SLC36A2: variants seen among roughly 807,000 people sequenced by gnomAD.
SLC36A2 encodes the protein proton-coupled amino acid transporter 2.
In SLC36A2, 39 loss-of-function variants were observed where a neutral mutation model predicts 42.7. The observed-to-expected ratio is 0.91, with a 90% CI of 0.71 to 1.19. The LOEUF (loss-of-function observed/expected upper bound fraction) is 1.19. SLC36A2 is among the 50% of genes most tolerant of loss of function. The pLI, the probability that SLC36A2 is intolerant of heterozygous loss-of-function variation, is 0.00. For synonymous variants in SLC36A2, 237 were observed against 240.8 expected (o/e 0.98, Z 0.15); for missense variants, 590 against 613.7 (o/e 0.96, Z 0.41).
At chr5:151,325,161 A>C in intron 8 of SLC36A2, 125 bp downstream of exon 8, 1 of 1,150,408 alleles carries the variant, frequency 8.7e-7, no homozygotes, top group Non-Finnish European at 1.3e-6. Flanking sequence ...TTCCAATGAC[A>C]ATTCTGCTTC....
At chr5:151,317,735 ATTCATTCATATTG>A (rs1283636177) in intron 9 of SLC36A2, among the ~76,000 whole-genome samples, 3 of 152,196 alleles carry the variant, frequency 2.0e-5, no homozygotes, top group East Asian at 1.9e-4. Context: ...GTCTAATTGT[ATTCATTCATATTG>A]TTCATTCATA....
Position 151,347,534 on chromosome 5 carries a change from A to AT in SLC36A2, c.-75_-74insA, listed in dbSNP as rs1410694376. 1 of 1,575,004 alleles carries AT rather than the reference A, an allele frequency of 6.3e-7. No individual in the cohort carries two copies. Among genetic ancestry groups the AT allele is most frequent in the Non-Finnish European group, 8.7e-7 (1 of 1,149,924 alleles). ...GAAGGAGGGAAGCAGGAAGGTGTCT[A>AT]GTGTAGATGTACACCCCAGCACAGT... On this transcript the variant is annotated 5_prime_UTR_variant, in exon 1 of 10. Coordinates refer to ENST00000335244, the MANE Select transcript of SLC36A2 (RefSeq NM_181776.3).
At chr5:151,343,007 G>A (rs1289559202) in intron 3 of SLC36A2, 24 bp from the exon 4 acceptor site, 2 of 1,579,672 alleles carry the variant, frequency 1.3e-6, no homozygotes, top group Admixed American at 1.7e-5. Flanking sequence ...TGCATAAACG[G>A]TTTCCAAGAG....
intron 9 of SLC36A2, among the ~76,000 whole-genome samples, chr5:151,317,865 A>G (rs752632150): frequency 3.9e-5 from 6 of 152,240 alleles, no homozygotes; most frequent in African/African-American, 1.2e-4. Context: ...TAACAAGAGA[A>G]AAGACAAAGT....
chr5:151,335,363 A>T lies in SLC36A2; in HGVS notation c.710T>A (p.Val237Asp), dbSNP rs1561658060. The T allele has an allele frequency of 2.5e-6, 4 of 1,613,948 alleles. No individual in the cohort carries two copies. In the East Asian group the frequency reaches 6.7e-5, roughly 27 times the overall value. ...GTACTGTATGATGATGACCAAGCTG[A>T]CCAGCATGCTGATGTTGGCCAGCAT... ...FSMLANISML[V>D]SLVIIIQYIT... Residue 237 changes from valine to aspartate, a missense_variant, in exon 6 of 10, where the codon GTC becomes GAC. Physicochemically the swap from Val to Asp is radical, Grantham distance 152. Coordinates refer to ENST00000335244, the MANE Select transcript of SLC36A2 (RefSeq NM_181776.3).
At chr5:151,317,118 G>T (rs374682691) in intron 9 of SLC36A2, 30 bp from the exon 10 acceptor site, 98 of 1,611,158 alleles carry the variant, frequency 6.1e-5, no homozygotes, top group Middle Eastern at 3.4e-4. Context: ...GAGAGATGGA[G>T]CATTCCAGGC....
chr5:151,344,323 C>A, intron 1 of SLC36A2, 56 bp from the exon 2 acceptor site: 1 of 1,440,816 alleles, frequency 6.9e-7, no homozygotes, highest in South Asian at 1.2e-5. Context: ...GAAGATCCAG[C>A]GGTGATTCCC....
intron 4 of SLC36A2, among the ~76,000 whole-genome samples, chr5:151,340,914 T>C (rs1215629074): frequency 6.6e-6 from 1 of 152,206 alleles, no homozygotes; most frequent in Non-Finnish European, 1.5e-5. Flanking sequence ...AGGTATTCAG[T>C]AGACATTTGT....
At chr5:151,337,861 A>C (rs1756203956) in intron 5 of SLC36A2, among the ~76,000 whole-genome samples, 1 of 152,250 alleles carries the variant, frequency 6.6e-6, no homozygotes, top group African/African-American at 2.4e-5. Context: ...TGACCAGTTA[A>C]GGTTACATTA....
chr5:151,332,501 T>C (rs1756026807), intron 7 of SLC36A2: 1 of 454,624 alleles, frequency 2.2e-6, no homozygotes, highest in Admixed American at 2.4e-5. Context: ...TGATAAGCTG[T>C]GGTACTGCCC....
At position 151,317,033 on chromosome 5, in the gene SLC36A2, G is replaced by C. The variant is rs139985763; in HGVS notation, c.1236C>G (p.Ser412=). 83 of 1,614,086 alleles carry C rather than the reference G, an allele frequency of 5.1e-5. 1 individual carries two copies. The East Asian group carries it at 1.2e-3, about 23-fold the overall frequency. The change falls in exon 10 of 10, where the codon TCC becomes TCG. Residue 412 remains serine, a synonymous_variant. Coordinates refer to ENST00000335244, the MANE Select transcript of SLC36A2 (RefSeq NM_181776.3). ...RLDLVISLVG[S]VSGTALALII... Reference sequence around the variant, plus strand: ...TGAGGGCCAGGGCGGTGCCACTCACGGAGCCCACCAGGGAGATGACCAGGT... The same window carrying C: ...TGAGGGCCAGGGCGGTGCCACTCACCGAGCCCACCAGGGAGATGACCAGGT...
At chr5:151,345,089 A>G (rs1756456664) in intron 1 of SLC36A2, among the ~76,000 whole-genome samples, 1 of 152,204 alleles carries the variant, frequency 6.6e-6, no homozygotes, top group Non-Finnish European at 1.5e-5. Flanking sequence ...CAAAGTCTAA[A>G]CCATCAGGAG....
intron 1 of SLC36A2, among the ~76,000 whole-genome samples, chr5:151,345,565 G>A (rs1756468620): frequency 6.6e-6 from 1 of 152,172 alleles, no homozygotes; most frequent in Non-Finnish European, 1.5e-5. Flanking sequence ...GAAAGGGGGT[G>A]GAGAGTCCCT....
intron 5 of SLC36A2, among the ~76,000 whole-genome samples, chr5:151,336,004 AC>A (rs1756145561): frequency 7.5e-6 from 1 of 134,220 alleles, no homozygotes. Flanking sequence ...CCCTGTATCC[AC>A]AAAAAAAAAA....
intron 7 of SLC36A2, among the ~76,000 whole-genome samples, chr5:151,331,777 A>G (rs187084016): frequency 3.9e-5 from 6 of 152,282 alleles, no homozygotes; most frequent in Non-Finnish European, 8.8e-5. Context: ...TGGTCATGCA[A>G]CTATAATCCC....
Position 151,322,234 on chromosome 5 carries a change from A to G in SLC36A2, c.1011-19T>C. 1 of 1,613,556 alleles carries G rather than the reference A, an allele frequency of 6.2e-7. No homozygotes were observed. Among genetic ancestry groups the G allele is most frequent in the Non-Finnish European group, 8.5e-7 (1 of 1,179,750 alleles). Reference sequence around the variant, plus strand: ...GTACAGCCTGCAAGACAAACCACAGAGCTGCTCTCCACGGCCACTGTGTTC... The same window carrying G: ...GTACAGCCTGCAAGACAAACCACAGGGCTGCTCTCCACGGCCACTGTGTTC... On this transcript the variant is annotated intron_variant, in intron 8 of 9. Coordinates refer to ENST00000335244, the MANE Select transcript of SLC36A2 (RefSeq NM_181776.3).
At chr5:151,337,684 G>A (rs932907012) in intron 5 of SLC36A2, among the ~76,000 whole-genome samples, 1 of 152,106 alleles carries the variant, frequency 6.6e-6, no homozygotes, top group African/African-American at 2.4e-5. Flanking sequence ...AGGAAATAAA[G>A]AAGTGCACAA....
chr5:151,330,027 G>A (rs1446947389), intron 7 of SLC36A2, among the ~76,000 whole-genome samples: 5 of 152,092 alleles, frequency 3.3e-5, no homozygotes, highest in Non-Finnish European at 7.4e-5. Context: ...TTAGGGGGGT[G>A]GGGGAGCGGG....
At chr5:151,340,116 AGAGGAG>A (rs33954122) in intron 4 of SLC36A2, among the ~76,000 whole-genome samples, 15 of 145,632 alleles carry the variant, frequency 1.0e-4, no homozygotes, top group African/African-American at 3.8e-4. Context: ...AGGAGGAAGA[AGAGGAG>A]GAGAAGGAGG....
Sources: allele counts gnomAD v4.1 joint callset (sites outside exome capture counted in the v4.1 genomes callset), GRCh38; gene constraint gnomAD v4.1.1; transcripts MANE v1.5; gene names NCBI Gene and HGNC (gene_info 2026-07-23, HGNC 2026-07-21).